TRMT9B: variants seen among roughly 807,000 people sequenced by gnomAD.
TRMT9B encodes probable tRNA methyltransferase 9B.
A neutral mutation model predicts 11.5 loss-of-function variants in TRMT9B; 16 were observed. The ratio of observed to expected loss-of-function variants is 1.39; its 90% CI spans 0.94 to 2.11. The LOEUF is 2.11. TRMT9B is among the 30% of genes most tolerant of loss of function. The pLI is 0.00. For missense variants in TRMT9B, 941 were observed against 553.8 expected (o/e 1.70, Z -7.02); for synonymous variants, 274 against 192.4 (o/e 1.42, Z -3.51).
chr8:13,025,078 G>A lies in TRMT9B; in HGVS notation c.*3034G>A, dbSNP rs983372727. On this transcript the variant is annotated 3_prime_UTR_variant, in exon 5 of 5. Transcript: ENST00000524591. ...GATGATAGATTCTACTGACCTAGCT[G>A]GAGTAATCTGATCACTTACTTCCTT... 4 of 166,830 alleles carry A rather than the reference G, an allele frequency of 2.4e-5. No individual in the cohort carries two copies. The highest frequency in any genetic ancestry group is 9.7e-5 in the African/African-American group (4 of 41,276). 10.3% of individuals were successfully genotyped at this position (166,830 alleles called of 1,614,324 possible).
chr8:12,995,230 C>G (rs904560165), intron 2 of TRMT9B, among the ~76,000 whole-genome samples: 3 of 152,176 alleles, frequency 2.0e-5, no homozygotes, highest in Non-Finnish European at 4.4e-5. Flanking sequence ...AGTTTCTTAA[C>G]ACAAAGCTTC....
intron 2 of TRMT9B, among the ~76,000 whole-genome samples, chr8:13,000,793 A>T (rs906605341): frequency 2.0e-5 from 3 of 152,222 alleles, no homozygotes; most frequent in African/African-American, 4.8e-5. Context: ...AATGTTAATT[A>T]AAAAAGCAGT....
chr8:12,962,486 C>T (rs767197251), intron 1 of TRMT9B, among the ~76,000 whole-genome samples: 6 of 150,790 alleles, frequency 4.0e-5, no homozygotes, highest in Non-Finnish European at 7.4e-5. Context: ...TTTTTTTTTT[C>T]GTTTGTTTTT....
At chr8:13,014,059 T>C (rs919215139) in intron 4 of TRMT9B, among the ~76,000 whole-genome samples, 2 of 152,232 alleles carry the variant, frequency 1.3e-5, no homozygotes, top group African/African-American at 4.8e-5. Flanking sequence ...GATGATTTGC[T>C]CTTTTCCTAA....
Position 13,026,952 on chromosome 8 carries a change from A to G in TRMT9B, c.*4908A>G, listed in dbSNP as rs571142861. On this transcript the variant is annotated 3_prime_UTR_variant, in exon 5 of 5. Transcript: ENST00000524591. Reference sequence around the variant, plus strand: ...TAGTCTCTTACATATTTTCCCTTTTATCTTTTTTTCATTTGTAAATCTGTT... The same window carrying G: ...TAGTCTCTTACATATTTTCCCTTTTGTCTTTTTTTCATTTGTAAATCTGTT... 2 of 167,176 alleles carry G rather than the reference A, an allele frequency of 1.2e-5. No homozygotes were observed. Among genetic ancestry groups the G allele is most frequent in the East Asian group, 1.9e-4 (1 of 5,188 alleles). 10.4% of individuals were successfully genotyped at this position (167,176 alleles called of 1,614,324 possible).
At chr8:12,957,716 A>G (rs1449636248) in intron 1 of TRMT9B, among the ~76,000 whole-genome samples, 1 of 152,206 alleles carries the variant, frequency 6.6e-6, no homozygotes, top group African/African-American at 2.4e-5. Flanking sequence ...AGGTGCTAGT[A>G]TTATAGCTTG....
intron 3 of TRMT9B, chr8:13,011,660 C>T (rs1026853984): frequency 2.0e-6 from 2 of 979,406 alleles, no homozygotes; most frequent in African/African-American, 3.5e-5. Flanking sequence ...ATCAGTAAGA[C>T]CTCAATGATC....
intron 1 of TRMT9B, among the ~76,000 whole-genome samples, chr8:12,953,062 C>G (rs868372895): frequency 1.3e-5 from 2 of 152,028 alleles, no homozygotes; most frequent in Non-Finnish European, 2.9e-5. Context: ...TACTTGGGTT[C>G]TTTGTGATAA....
At chr8:13,004,839 T>C (rs573423463) in intron 2 of TRMT9B, among the ~76,000 whole-genome samples, 1 of 151,224 alleles carries the variant, frequency 6.6e-6, no homozygotes, top group East Asian at 2.0e-4. Context: ...TCGGCCACAG[T>C]GGGGAAGGGG....
intron 2 of TRMT9B, among the ~76,000 whole-genome samples, chr8:13,005,085 C>CAAAAAAAAAA (rs1223540759): frequency 1.1e-5 from 1 of 87,710 alleles, no homozygotes; most frequent in Non-Finnish European, 2.3e-5. Context: ...GACTGCATCT[C>CAAAAAAAAAA]AAAAAAAAAA....
rs114193103 is a variant in TRMT9B, at chr8:12,965,191, A to G, written c.-200+19225A>G. Among the ~76,000 whole-genome samples the G allele has an allele frequency of 2.4e-3, 369 of 152,324 alleles. 1 individual carries two copies. The highest frequency in any genetic ancestry group is 8.6e-3 in the African/African-American group (356 of 41,578). On this transcript the variant is annotated intron_variant, in intron 1 of 4. Transcript: ENST00000524591. ...ATAATCGTGGCACTTACTCAGAACC[A>G]AAAGCCTCTGTGTGTGATATAAGCA...
chr8:13,016,685 C>T (rs760330411), intron 4 of TRMT9B, among the ~76,000 whole-genome samples: 2 of 151,626 alleles, frequency 1.3e-5, no homozygotes, highest in Non-Finnish European at 2.9e-5. Flanking sequence ...AAAGTGGTGG[C>T]GCATTAACAT....
chr8:12,986,030 T>A (rs1036411622), intron 1 of TRMT9B, among the ~76,000 whole-genome samples: 1 of 152,046 alleles, frequency 6.6e-6, no homozygotes, highest in Non-Finnish European at 1.5e-5. Context: ...CCTGGCTAAT[T>A]TTTGTAATTT....
At chr8:13,012,902 T>C in intron 4 of TRMT9B, 45 bp downstream of exon 4, 2 of 1,600,494 alleles carry the variant, frequency 1.2e-6, no homozygotes, top group South Asian at 1.1e-5. Context: ...ATGAGAATAA[T>C]TGACCCGGTT....
At chr8:12,997,922 G>A (rs1444105128) in intron 2 of TRMT9B, among the ~76,000 whole-genome samples, 6 of 152,040 alleles carry the variant, frequency 3.9e-5, no homozygotes, top group Non-Finnish European at 7.4e-5. Context: ...TATTCTTTGT[G>A]TTTTCCATTT....
rs551159911 is a variant in TRMT9B at position 12,996,488 on chromosome 8, A to G, written c.-2+5457A>G. Among the ~76,000 whole-genome samples the G allele has an allele frequency of 1.7e-4, 26 of 152,284 alleles. No homozygotes were observed. The South Asian group carries it at 5.2e-3, about 30-fold the overall frequency. The stretch of plus-strand genomic sequence containing the variant: ...GCACTTTCTGTATATACTATGACAT[A>G]ATCTTATTGAATGGGGATACTGCTT... On this transcript the variant is annotated intron_variant, in intron 2 of 4. Coordinates refer to ENST00000524591, the MANE Select transcript of TRMT9B (RefSeq NM_020844.3).
chr8:12,961,516 A>G (rs1802102809), intron 1 of TRMT9B, among the ~76,000 whole-genome samples: 1 of 151,510 alleles, frequency 6.6e-6, no homozygotes, highest in Non-Finnish European at 1.5e-5. Context: ...CCTGGTTAAC[A>G]CGGTGAAACC....
chr8:13,003,092 A>G (rs975852118), intron 2 of TRMT9B, among the ~76,000 whole-genome samples: 17 of 152,146 alleles, frequency 1.1e-4, no homozygotes, highest in African/African-American at 3.6e-4. Flanking sequence ...ATTAAATAAG[A>G]CAACTCCTTG....
At position 12,955,491 on chromosome 8, in the gene TRMT9B, C is replaced by T. The variant is rs755087359; in HGVS notation, c.-200+9525C>T. On this transcript the variant is annotated intron_variant, in intron 1 of 4. Transcript: ENST00000524591. ...TTTCCCAGCCTTTGTTAATATGTCT[C>T]GGCATCAACCCTAAGCCGTAAAGGG... Among the ~76,000 whole-genome samples the T allele has an allele frequency of 4.6e-5, 7 of 152,204 alleles. 1 individual carries two copies. The South Asian group carries it at 8.3e-4, about 18-fold the overall frequency.
Sources: gnomAD v4.1 joint callset for allele counts (sites outside exome capture counted in the v4.1 genomes callset) on GRCh38, gnomAD v4.1.1 for gene constraint, MANE v1.5 for transcripts, NCBI Gene and HGNC (gene_info 2026-07-23, HGNC 2026-07-21) for gene names.